CRY1: variants seen among roughly 807,000 people sequenced by gnomAD.
The protein encoded by CRY1 is cryptochrome-1.
CRY1 carries 45 observed loss-of-function variants against 76.0 expected under a neutral mutation model. That is an observed-to-expected ratio of 0.59 (90% CI 0.47 to 0.76). CRY1 has a LOEUF of 0.76. CRY1 is among the 30% of genes least tolerant of loss of function. CRY1 has a pLI of 0.00. For missense variants in CRY1, 587 were observed against 716.4 expected (o/e 0.82, Z 2.06); for synonymous variants, 248 against 244.0 (o/e 1.02, Z -0.15).
chr12:107,028,431 A>T (rs1233858228), intron 1 of CRY1, among the ~76,000 whole-genome samples: 1 of 152,148 alleles, frequency 6.6e-6, no homozygotes, highest in Non-Finnish European at 1.5e-5. Context: ...CAAACTTTGC[A>T]TTTGCCACAC....
intron 2 of CRY1, among the ~76,000 whole-genome samples, chr12:107,019,540 A>G (rs1365305328): frequency 1.3e-5 from 2 of 152,176 alleles, no homozygotes; most frequent in East Asian, 3.8e-4. Context: ...ATAATGTGCT[A>G]TTTTAGGCAG....
At chr12:107,057,045 G>T (rs1353617809) in intron 1 of CRY1, among the ~76,000 whole-genome samples, 1 of 152,020 alleles carries the variant, frequency 6.6e-6, no homozygotes, top group African/African-American at 2.4e-5. Context: ...TGTCTAGTAT[G>T]TAAGAAATAT....
chr12:107,028,149 G>C (rs1198957113), intron 1 of CRY1, among the ~76,000 whole-genome samples: 1 of 151,868 alleles, frequency 6.6e-6, no homozygotes, highest in South Asian at 2.1e-4. Context: ...AAAAACTAAA[G>C]TTCTGTATAC....
intron 2 of CRY1, among the ~76,000 whole-genome samples, chr12:107,011,124 A>T (rs1179911160): frequency 6.6e-6 from 1 of 152,174 alleles, no homozygotes; most frequent in African/African-American, 2.4e-5. Context: ...AGGCGGGCGG[A>T]TCACGAGGTC....
Position 106,991,378 on chromosome 12 carries a change from A to G in CRY1, c.*624T>C, listed in dbSNP as rs1409732794. The stretch of plus-strand genomic sequence containing the variant: ...CGTACACAAGATTTCATATTTGCAT[A>G]TACTTTAATAACAAGTTCATTTTAG... On this transcript the variant is annotated 3_prime_UTR_variant, in exon 13 of 13. Coordinates refer to ENST00000008527, the MANE Select transcript of CRY1 (RefSeq NM_004075.5). 1 of 152,658 alleles carries G rather than the reference A, an allele frequency of 6.6e-6. No individual in the cohort carries two copies. Among genetic ancestry groups the G allele is most frequent in the African/African-American group, 2.4e-5 (1 of 41,458 alleles). 9.5% of individuals were successfully genotyped at this position (152,658 alleles called of 1,614,324 possible).
intron 1 of CRY1, chr12:107,043,104 A>C (rs1195813518): frequency 6.6e-6 from 1 of 152,012 alleles, no homozygotes; most frequent in African/African-American, 2.4e-5. Context: ...ACTCTCCTTC[A>C]TCTCTGAGAC....
At chr12:107,058,908 G>A (rs902660648) in intron 1 of CRY1, among the ~76,000 whole-genome samples, 3 of 152,136 alleles carry the variant, frequency 2.0e-5, no homozygotes, top group African/African-American at 7.2e-5. Flanking sequence ...AAAGCTAAAA[G>A]GATTTGGAAT....
At chr12:107,087,613 G>A (rs1399483255) in intron 1 of CRY1, among the ~76,000 whole-genome samples, 1 of 152,212 alleles carries the variant, frequency 6.6e-6, no homozygotes, top group African/African-American at 2.4e-5. Context: ...TATCTTAAAA[G>A]TAGATAACTT....
At chr12:107,002,514 T>C (rs1025191011) in intron 3 of CRY1, among the ~76,000 whole-genome samples, 1 of 152,220 alleles carries the variant, frequency 6.6e-6, no homozygotes, top group Non-Finnish European at 1.5e-5. Flanking sequence ...CAGTTACTTT[T>C]TTGTATGTGT....
chr12:106,992,818 C>A lies in CRY1; in HGVS notation c.1730G>T (p.Gly577Val), dbSNP rs1952193391. The stretch of plus-strand genomic sequence containing the variant: ...AGTGCTCTGTCTCTGGACTTTAGGA[C>A]CAATACTCTGTGTGTCCTCTTCCTG... ...PSQEEDTQSI[G>V]PKVQRQSTN Residue 577 changes from glycine to valine, a missense_variant, in exon 12 of 13, where the codon GGT (glycine) becomes GTT (valine). By Grantham distance (109) the Gly-to-Val change is moderately radical. Transcript: ENST00000008527. The A allele has an allele frequency of 6.2e-7, 1 of 1,613,840 alleles. No homozygotes were observed. Among genetic ancestry groups the A allele is most frequent in the Non-Finnish European group, 8.5e-7 (1 of 1,179,918 alleles).
chr12:107,071,524 T>G (rs184421699), intron 1 of CRY1, among the ~76,000 whole-genome samples: 1 of 152,338 alleles, frequency 6.6e-6, no homozygotes, highest in Admixed American at 6.5e-5. Flanking sequence ...ACAATTTATA[T>G]ATCACTGAAG....
At chr12:107,014,146 A>G (rs1381493418) in intron 2 of CRY1, among the ~76,000 whole-genome samples, 2 of 152,238 alleles carry the variant, frequency 1.3e-5, no homozygotes, top group East Asian at 3.9e-4. Flanking sequence ...TTCCCTGTAA[A>G]GAAATTTACC....
At chr12:107,063,899 G>A (rs1953079832) in intron 1 of CRY1, among the ~76,000 whole-genome samples, 1 of 152,086 alleles carries the variant, frequency 6.6e-6, no homozygotes. Context: ...GTCCAGCTGG[G>A]TCATAGTTCT....
chr12:107,003,453 A>G (rs1952334740), intron 3 of CRY1, among the ~76,000 whole-genome samples: 1 of 152,238 alleles, frequency 6.6e-6, no homozygotes, highest in Non-Finnish European at 1.5e-5. Flanking sequence ...TCAAGGTCAT[A>G]TAACTGATAA....
intron 1 of CRY1, among the ~76,000 whole-genome samples, chr12:107,031,697 A>G (rs528253464): frequency 6.6e-6 from 1 of 152,274 alleles, no homozygotes; most frequent in South Asian, 2.1e-4. Context: ...TAGTTTAATT[A>G]TCAAAAAAAA....
chr12:107,056,127 C>T (rs1952979870), intron 1 of CRY1, among the ~76,000 whole-genome samples: 3 of 152,280 alleles, frequency 2.0e-5, no homozygotes, highest in African/African-American at 7.2e-5. Context: ...GACAGCCTCA[C>T]GGTACAAGGA....
rs144711461 is a variant in CRY1, at chr12:107,005,340, T to G, written c.268-92A>C. ...AGTGAAAAAGCTGAAAATCTACATA[T>G]CAAAGGATTATACATAAATCAAACT... On this transcript the variant is annotated intron_variant, in intron 2 of 12. Coordinates refer to ENST00000008527, the MANE Select transcript of CRY1 (RefSeq NM_004075.5). 520 of 1,332,706 alleles carry G rather than the reference T, an allele frequency of 3.9e-4. 3 individuals carry two copies. In the East Asian group the frequency reaches 0.012, roughly 31 times the overall value. The allele number at this position is 1,332,706 out of a possible 1,614,324, so 82.6% of individuals were successfully genotyped here. A position where few individuals can be genotyped will look rare whatever the true frequency, so the allele number is the denominator to read the frequency against.
At chr12:107,003,329 T>C (rs926894573) in intron 3 of CRY1, among the ~76,000 whole-genome samples, 1 of 152,214 alleles carries the variant, frequency 6.6e-6, no homozygotes, top group Admixed American at 6.5e-5. Context: ...ACTACTCTTT[T>C]TCACTATGGC....
chr12:107,031,321 T>G (rs754480880), intron 1 of CRY1, among the ~76,000 whole-genome samples: 3 of 151,074 alleles, frequency 2.0e-5, no homozygotes, highest in Non-Finnish European at 4.4e-5. Flanking sequence ...AATAATAGAT[T>G]CAATATAAAG....
Sources: allele counts gnomAD v4.1 joint callset (sites outside exome capture counted in the v4.1 genomes callset), GRCh38; gene constraint gnomAD v4.1.1; transcripts MANE v1.5; gene names NCBI Gene and HGNC (gene_info 2026-07-23, HGNC 2026-07-21).